Variants in ABCC9 observed in about 807,000 individuals in gnomAD.
ABCC9 encodes the protein ATP-binding cassette sub-family C member 9.
In ABCC9, 95 loss-of-function variants were observed where a neutral mutation model predicts 188.3. The ratio of observed to expected loss-of-function variants is 0.50; its 90% CI spans 0.43 to 0.60. The LOEUF is 0.60. ABCC9 is among the 20% of genes least tolerant of loss of function. The pLI is 0.00. For missense variants in ABCC9, 1,102 were observed against 1,876.3 expected (o/e 0.59, Z 7.62); for synonymous variants, 659 against 652.7 (o/e 1.01, Z -0.15).
At chr12:21,853,312 G>C (rs1945063614) in intron 22 of ABCC9, among the ~76,000 whole-genome samples, 1 of 152,034 alleles carries the variant, frequency 6.6e-6, no homozygotes, top group African/African-American at 2.4e-5. Flanking sequence ...CCTGGTGACA[G>C]AACGAGACTC....
chr12:21,898,595 G>C (rs2137773785), intron 12 of ABCC9, among the ~76,000 whole-genome samples: 1 of 152,160 alleles, frequency 6.6e-6, no homozygotes, highest in Middle Eastern at 3.4e-3. Flanking sequence ...AAACTCTAAA[G>C]GAGTTTATAA....
intron 39 of ABCC9, 45 bp from the exon 40 acceptor site, chr12:21,801,226 A>T (rs1941411343): frequency 1.2e-6 from 2 of 1,610,034 alleles, no homozygotes; most frequent in Non-Finnish European, 1.7e-6. Context: ...ATTTCAGGGC[A>T]CACGCCAAAA....
intron 14 of ABCC9, 62 bp downstream of exon 14, chr12:21,893,970 C>T (rs1947288108): frequency 5.2e-6 from 8 of 1,540,378 alleles, no homozygotes; most frequent in Non-Finnish European, 7.2e-6. Flanking sequence ...TCAAATACTC[C>T]TATTAGCACA....
At chr12:21,818,430 A>C (rs1942803258) in intron 31 of ABCC9, among the ~76,000 whole-genome samples, 179 bp from the exon 32 acceptor site, 1 of 150,754 alleles carries the variant, frequency 6.6e-6, no homozygotes, top group South Asian at 2.1e-4. Flanking sequence ...TAGAGCTGGA[A>C]TGGAGAGTGA....
At chr12:21,917,151 A>G in intron 5 of ABCC9, 48 bp from the exon 6 acceptor site, 1 of 1,566,762 alleles carries the variant, frequency 6.4e-7, no homozygotes, top group Non-Finnish European at 8.8e-7. Flanking sequence ...TTTCTTAAAC[A>G]TCACTAGCAT....
At position 21,875,848 on chromosome 12, in the gene ABCC9, A is replaced by G. The variant is rs897625575; in HGVS notation, c.2020-122T>C. The G allele has an allele frequency of 1.6e-5, 11 of 701,372 alleles. No homozygotes were observed. In the African/African-American group the frequency reaches 1.8e-4, roughly 11 times the overall value. 43.4% of individuals were successfully genotyped at this position (701,372 alleles called of 1,614,324 possible). A position where few individuals can be genotyped will look rare whatever the true frequency, so the allele number is the denominator to read the frequency against. Reference sequence around the variant, plus strand: ...GCCTGTAATCACAGCACTTTGGGAGACCAAGGCAGGTGGATCACAAGGTCA... The same window carrying G: ...GCCTGTAATCACAGCACTTTGGGAGGCCAAGGCAGGTGGATCACAAGGTCA... On this transcript the variant is annotated intron_variant, in intron 16 of 39. Coordinates refer to ENST00000261200, the MANE Select transcript of ABCC9 (RefSeq NM_020297.4).
chr12:21,893,182 G>A (rs1253606394), intron 14 of ABCC9, among the ~76,000 whole-genome samples: 1 of 12,792 alleles, frequency 7.8e-5, no homozygotes. Context: ...AAAAATGGTG[G>A]AAAAATGGTC....
intron 5 of ABCC9, among the ~76,000 whole-genome samples, chr12:21,918,817 C>T (rs574678136): frequency 6.6e-6 from 1 of 152,222 alleles, no homozygotes; most frequent in South Asian, 2.1e-4. Context: ...GTCCTACTCA[C>T]ACTCAAGGCA....
At chr12:21,907,412 A>T (rs546267227) in intron 11 of ABCC9, among the ~76,000 whole-genome samples, 30 of 152,142 alleles carry the variant, frequency 2.0e-4, no homozygotes, top group Middle Eastern at 3.4e-3. Context: ...TTTATGCCTG[A>T]TTTACAGACA....
intron 23 of ABCC9, 46 bp from the exon 24 acceptor site, chr12:21,852,268 T>C (rs1945007310): frequency 6.2e-7 from 1 of 1,613,668 alleles, no homozygotes; most frequent in Non-Finnish European, 8.5e-7. Context: ...AAGCCTTGAT[T>C]GGCAAAATGA....
chr12:21,854,781 C>T (rs1945140033), intron 22 of ABCC9, among the ~76,000 whole-genome samples: 1 of 152,106 alleles, frequency 6.6e-6, no homozygotes, highest in Admixed American at 6.5e-5. Context: ...AATTCTACCA[C>T]TAATATATGA....
rs1947290531 is a variant in ABCC9, at chr12:21,894,016, A to G, written c.1802+16T>C. ...ATTATCAATAAGCAAAAAATGCCAG[A>G]CACTTCAGTGCATACCTTATGATGG... On this transcript the variant is annotated intron_variant, in intron 14 of 39. Transcript: ENST00000261200. 1.9e-6 allele frequency: 3 copies of G among 1,613,790 alleles called. No individual in the cohort carries two copies. In the East Asian group the frequency reaches 6.7e-5, roughly 36 times the overall value.
At chr12:21,850,289 CG>C (rs1438270388) in intron 24 of ABCC9, among the ~76,000 whole-genome samples, 2 of 151,962 alleles carry the variant, frequency 1.3e-5, no homozygotes, top group African/African-American at 4.8e-5. Context: ...CAAAGTAAAC[CG>C]AAATCTGTTT....
intron 18 of ABCC9, among the ~76,000 whole-genome samples, chr12:21,867,800 A>C (rs1422581852): frequency 6.9e-6 from 1 of 144,150 alleles, no homozygotes; most frequent in African/African-American, 2.6e-5. Flanking sequence ...AGGATGGTTG[A>C]TGGCATGGGT....
chr12:21,827,079 T>C (rs926544946), intron 31 of ABCC9: 1 of 973,974 alleles, frequency 1.0e-6, no homozygotes, highest in Admixed American at 6.2e-5. Flanking sequence ...GAGTCTATTA[T>C]ATTTAGACAG....
At chr12:21,855,767 T>C (rs536482222) in intron 22 of ABCC9, among the ~76,000 whole-genome samples, 2 of 152,320 alleles carry the variant, frequency 1.3e-5, no homozygotes, top group South Asian at 2.1e-4. Flanking sequence ...GTTGCTTTAT[T>C]ATTATTTTCT....
At chr12:21,924,131 A>G (rs1948954252) in intron 5 of ABCC9, 2 of 324,650 alleles carry the variant, frequency 6.2e-6, no homozygotes, top group Admixed American at 4.7e-5. Context: ...GAAAATTTGC[A>G]TGGATGATAG....
intron 16 of ABCC9, among the ~76,000 whole-genome samples, chr12:21,881,441 G>GA (rs925727351): frequency 5.3e-5 from 8 of 151,340 alleles, no homozygotes; most frequent in South Asian, 2.1e-4. Flanking sequence ...GTCAATTTTG[G>GA]AAAAAAAATT....
chr12:21,835,223 T>A (rs1240624612), intron 30 of ABCC9, among the ~76,000 whole-genome samples: 1 of 152,220 alleles, frequency 6.6e-6, no homozygotes, highest in East Asian at 1.9e-4. Context: ...AGTAGTAGGT[T>A]GAGCAACGAA....
Sources: gnomAD v4.1 joint callset for allele counts (sites outside exome capture counted in the v4.1 genomes callset) on GRCh38, gnomAD v4.1.1 for gene constraint, MANE v1.5 for transcripts, NCBI Gene and HGNC (gene_info 2026-07-23, HGNC 2026-07-21) for gene names.